Variants in TNPO1 observed in about 807,000 individuals in gnomAD.
The protein encoded by TNPO1 is transportin-1.
In TNPO1, 8 loss-of-function variants were observed where a neutral mutation model predicts 119.5. The ratio of observed to expected loss-of-function variants is 0.07; its 90% confidence interval spans 0.04 to 0.12. The LOEUF (loss-of-function observed/expected upper bound fraction) is 0.12. Among genes scored for constraint, TNPO1 ranks in the 10% least tolerant of loss-of-function variants. The pLI, the probability that TNPO1 is intolerant of heterozygous loss-of-function variation, is 1.00. For missense variants in TNPO1, 576 were observed against 1,089.8 expected, an observed-to-expected ratio of 0.53 and a Z score of 6.64; for synonymous variants, 362 against 363.0, an observed-to-expected ratio of 1.00 and a Z score of 0.03.
At position 72,909,450 on chromosome 5, in the gene TNPO1, C is replaced by T. The variant is rs1750410503; in HGVS notation, c.*777C>T. The T allele has an allele frequency of 6.6e-6, 1 of 152,074 alleles. No individual in the cohort carries two copies. 9.4% of individuals were successfully genotyped at this position (152,074 alleles called of 1,614,324 possible). ...GATGACATCTTAATTTTGCATTGAA[C>T]ATTAATGTAGCGGATATAATTTGAT... On this transcript the variant is annotated 3_prime_UTR_variant, in exon 25 of 25. Coordinates refer to ENST00000337273, the MANE Select transcript of TNPO1 (RefSeq NM_002270.4).
intron 8 of TNPO1, among the ~76,000 whole-genome samples, chr5:72,876,360 C>T (rs1178514427): frequency 1.3e-5 from 2 of 152,178 alleles, no homozygotes; most frequent in Non-Finnish European, 2.9e-5. Context: ...TATTAGTTGG[C>T]ACTTCTACCC....
intron 22 of TNPO1, among the ~76,000 whole-genome samples, chr5:72,901,708 A>G (rs546572428): frequency 1.3e-5 from 2 of 152,342 alleles, no homozygotes; most frequent in East Asian, 3.9e-4. Flanking sequence ...TCAGTGAACA[A>G]AATGCTAACT....
rs186801283 is a variant in TNPO1, at chr5:72,893,257, T to C, written c.1896+11T>C. 373 of 1,611,490 alleles carry C rather than the reference T, an allele frequency of 2.3e-4. No individual in the cohort carries two copies. The African/African-American group carries it at 4.6e-3, about 20-fold the overall frequency. On this transcript the variant is annotated intron_variant, in intron 16 of 24. Coordinates refer to ENST00000337273, the MANE Select transcript of TNPO1 (RefSeq NM_002270.4). ...CTTGCACAAGCCATGGTAATTTTTT[T>C]AAAATGTCTTCCTCTTCTTGACATG...
chr5:72,911,387 A>G lies in TNPO1; in HGVS notation c.*2714A>G, dbSNP rs1579959592. ...ATAAAATTAGGTAAATATGACTGGC[A>G]ACCTGAATTTGAGTTGGGATTCTTT... On this transcript the variant is annotated 3_prime_UTR_variant, in exon 25 of 25. Coordinates refer to ENST00000337273, the MANE Select transcript of TNPO1 (RefSeq NM_002270.4). 1 of 152,490 alleles carries G rather than the reference A, an allele frequency of 6.6e-6. No individual in the cohort carries two copies. The highest frequency in any genetic ancestry group is 1.5e-5 in the Non-Finnish European group (1 of 67,940). The allele number at this position is 152,490 out of a possible 1,614,324, so 9.4% of individuals were successfully genotyped here. A position where few individuals can be genotyped will look rare whatever the true frequency, so the allele number is the denominator to read the frequency against.
intron 1 of TNPO1, among the ~76,000 whole-genome samples, chr5:72,833,963 GT>G (rs1442361980): frequency 1.3e-5 from 2 of 151,992 alleles, no homozygotes; most frequent in African/African-American, 4.8e-5. Flanking sequence ...GAATTTTCTT[GT>G]CCTATCCCTT....
chr5:72,851,791 G>C (rs1745589483), intron 3 of TNPO1, among the ~76,000 whole-genome samples: 1 of 152,178 alleles, frequency 6.6e-6, no homozygotes, highest in Admixed American at 6.5e-5. Flanking sequence ...ACTGTGCCCA[G>C]CCAGCATTCA....
At position 72,882,537 on chromosome 5, in the gene TNPO1, C is replaced by G. The variant is rs144225725; in HGVS notation, c.981+10C>G. 4.3e-4 allele frequency: 679 copies of G among 1,595,478 alleles called. 7 individuals carry two copies. In the African/African-American group the frequency reaches 8.1e-3, roughly 19 times the overall value. On this transcript the variant is annotated intron_variant, in intron 10 of 24. Coordinates refer to ENST00000337273, the MANE Select transcript of TNPO1 (RefSeq NM_002270.4). ...TATTATCCTACTTAAGGTAAGGAAG[C>G]TTTTTTGATGAATAGGGAACAAGAT...
intron 24 of TNPO1, among the ~76,000 whole-genome samples, chr5:72,907,448 A>G (rs901294828): frequency 9.2e-5 from 14 of 152,238 alleles, no homozygotes; most frequent in African/African-American, 3.4e-4. Flanking sequence ...CAGAGGCAGG[A>G]GAAAAGGGAT....
intron 6 of TNPO1, among the ~76,000 whole-genome samples, 169 bp from the exon 7 acceptor site, chr5:72,872,470 A>AT (rs1406747589): frequency 6.6e-6 from 1 of 152,172 alleles, no homozygotes; most frequent in Non-Finnish European, 1.5e-5. Context: ...TGCACTTAGT[A>AT]TATCATTCAA....
intron 1 of TNPO1, among the ~76,000 whole-genome samples, chr5:72,826,726 A>G (rs1244232173): frequency 6.6e-6 from 1 of 152,246 alleles, no homozygotes; most frequent in African/African-American, 2.4e-5. Context: ...AGTTTGTTAC[A>G]GAACAGGCCT....
At position 72,892,617 on chromosome 5, in the gene TNPO1, T is replaced by C. The variant is rs141797265; in HGVS notation, c.1789-522T>C. On this transcript the variant is annotated intron_variant, in intron 15 of 24. Coordinates refer to ENST00000337273, the MANE Select transcript of TNPO1 (RefSeq NM_002270.4). ...CTTGGATACAGAAATCCAGCGATGC[T>C]CAAGTCCCTTATATAAAATGATGTG... Among the ~76,000 whole-genome samples the C allele has an allele frequency of 3.0e-3, 450 of 152,292 alleles. 2 individuals are homozygous for C. Among genetic ancestry groups the C allele is most frequent in the African/African-American group, 0.01 (429 of 41,552 alleles).
intron 6 of TNPO1, among the ~76,000 whole-genome samples, chr5:72,870,158 C>CTTTTTTTTTTTT (rs200118076): frequency 1.9e-5 from 2 of 106,174 alleles, no homozygotes; most frequent in Non-Finnish European, 1.8e-5. Context: ...ATACTAATTG[C>CTTTTTTTTTTTT]TTTTTTTTTT....
intron 4 of TNPO1, among the ~76,000 whole-genome samples, chr5:72,861,014 G>A (rs910627316): frequency 2.4e-4 from 37 of 151,950 alleles, no homozygotes; most frequent in African/African-American, 8.7e-4. Context: ...CCGGGTTCAA[G>A]CGATTCTCCT....
chr5:72,875,991 G>C (rs963310988), intron 8 of TNPO1, among the ~76,000 whole-genome samples: 1 of 152,164 alleles, frequency 6.6e-6, no homozygotes, highest in Admixed American at 6.6e-5. Context: ...GGAGAGAAGA[G>C]AGGATCTTTT....
At chr5:72,902,515 T>G (rs1038915375) in intron 22 of TNPO1, among the ~76,000 whole-genome samples, 4 of 150,278 alleles carry the variant, frequency 2.7e-5, no homozygotes, top group Non-Finnish European at 5.9e-5. Flanking sequence ...GGGTTTTTGT[T>G]TTTTTTTTTA....
chr5:72,847,349 T>TAGTGAAAAATGTCATTAATAGCTTC (rs1289697883), intron 1 of TNPO1, among the ~76,000 whole-genome samples: 2 of 152,234 alleles, frequency 1.3e-5, no homozygotes, highest in African/African-American at 4.8e-5. Flanking sequence ...CATTTAGTTT[T>TAGTGAAAAATGTCATTAATAGCTTC]AGTGAAAAAT....
intron 5 of TNPO1, among the ~76,000 whole-genome samples, chr5:72,864,790 G>A (rs1167634242): frequency 6.6e-6 from 1 of 151,836 alleles, no homozygotes; most frequent in African/African-American, 2.4e-5. Flanking sequence ...TTTGTTTTTA[G>A]TAGAGACAGG....
chr5:72,848,524 ACCCGCGCAGCTCGC>A (rs1455788297), intron 2 of TNPO1, 26 bp downstream of exon 2: 4 of 1,471,418 alleles, frequency 2.7e-6, no homozygotes, highest in African/African-American at 2.9e-5. Flanking sequence ...CCTGGCCGCC[ACCCGCGCAGCTCGC>A]CCCGCGCTGC....
At chr5:72,889,599 T>G (rs1284816828) in intron 13 of TNPO1, among the ~76,000 whole-genome samples, 187 bp from the exon 14 acceptor site, 3 of 152,190 alleles carry the variant, frequency 2.0e-5, no homozygotes, top group African/African-American at 7.2e-5. Context: ...TTATCATTTA[T>G]GGCAAGTGCT....
Sources: gnomAD v4.1 joint callset for allele counts (sites outside exome capture counted in the v4.1 genomes callset) on GRCh38, gnomAD v4.1.1 for gene constraint, MANE v1.5 for transcripts, NCBI Gene and HGNC (gene_info 2026-07-23, HGNC 2026-07-21) for gene names.